Variants in UBE2U observed in about 807,000 individuals in gnomAD.
The protein encoded by UBE2U is ubiquitin conjugating enzyme E2 U.
UBE2U carries 39 observed loss-of-function variants against 41.2 expected under a neutral mutation model. The ratio of observed to expected loss-of-function variants is 0.95; its 90% confidence interval spans 0.73 to 1.24. The LOEUF is 1.24. Ranked by LOEUF, UBE2U falls within the 50% of genes most tolerant of loss-of-function variation. UBE2U has a pLI of 0.00. For missense variants in UBE2U, 336 were observed against 363.1 expected (o/e 0.93, Z 0.61); for synonymous variants, 107 against 117.8 (o/e 0.91, Z 0.60).
At chr1:64,208,054 C>G (rs1480846737) in intron 3 of UBE2U, among the ~76,000 whole-genome samples, 1 of 152,136 alleles carries the variant, frequency 6.6e-6, no homozygotes, top group Non-Finnish European at 1.5e-5. Flanking sequence ...AATCTCACTA[C>G]TAAGAAAATA....
At position 64,238,686 on chromosome 1, in the gene UBE2U, T is replaced by A. The variant is rs543547630; in HGVS notation, c.596-2966T>A. Among the ~76,000 whole-genome samples the A allele has an allele frequency of 3.2e-3, 491 of 151,864 alleles. 2 individuals are homozygous for A. Among genetic ancestry groups the A allele is most frequent in the African/African-American group, 9.7e-3 (400 of 41,440 alleles). On this transcript the variant is annotated intron_variant, in intron 7 of 9. Coordinates refer to ENST00000371077, the MANE Select transcript of UBE2U (RefSeq NM_001366232.2). ...AAAAAGGAAACTATTCAGTTAAAAA[T>A]TTTTTTTTCTATCAATGGCAAATGT...
At chr1:64,224,924 A>G (rs1652759708) in intron 6 of UBE2U, among the ~76,000 whole-genome samples, 1 of 137,256 alleles carries the variant, frequency 7.3e-6, no homozygotes, top group Non-Finnish European at 1.5e-5. Context: ...AAAATACTGT[A>G]TAGGATATTA....
rs111832252 is a variant in UBE2U, at chr1:64,266,965, T to G, written c.770-59T>G. 16 of 1,455,836 alleles carry G rather than the reference T, an allele frequency of 1.1e-5. No individual in the cohort carries two copies. The South Asian group carries it at 1.8e-4, about 17-fold the overall frequency. The allele number at this position is 1,455,836 out of a possible 1,614,324, so 90.2% of individuals were successfully genotyped here. A position where few individuals can be genotyped will look rare whatever the true frequency, so the allele number is the denominator to read the frequency against. On this transcript the variant is annotated intron_variant, in intron 9 of 9. Transcript: ENST00000371077. ...CCTACAAATGCAGGAACACTTCTCT[T>G]TTTATTGTTTTTCTTATTATGTCTA... is the stretch of plus-strand genomic sequence containing the variant.
intron 5 of UBE2U, among the ~76,000 whole-genome samples, chr1:64,219,487 A>G (rs939385428): frequency 2.6e-5 from 4 of 151,566 alleles, no homozygotes; most frequent in African/African-American, 7.3e-5. Context: ...AAACTTTCTT[A>G]TGTGATATCT....
intron 1 of UBE2U, among the ~76,000 whole-genome samples, chr1:64,204,563 C>T (rs1651169782): frequency 1.3e-5 from 2 of 152,142 alleles, no homozygotes; most frequent in Non-Finnish European, 2.9e-5. Flanking sequence ...TCCTGTGTTC[C>T]ACTGCTTACT....
intron 7 of UBE2U, among the ~76,000 whole-genome samples, chr1:64,234,270 C>G (rs2100403529): frequency 6.6e-6 from 1 of 152,320 alleles, no homozygotes; most frequent in African/African-American, 2.4e-5. Context: ...TATTCCCTCT[C>G]TTGGTTAGTG....
chr1:64,232,349 T>A (rs825183), intron 6 of UBE2U, among the ~76,000 whole-genome samples: 110,195 of 152,100 alleles, frequency 0.72, 41,262 homozygotes, highest in African/African-American at 0.93. Context: ...ATCATTGAAA[T>A]ATGATTTGAA....
chr1:64,248,986 T>A lies in UBE2U; in HGVS notation c.677+7253T>A, dbSNP rs555074373. Among the ~76,000 whole-genome samples the A allele has an allele frequency of 2.0e-5, 3 of 152,230 alleles. No individual in the cohort carries two copies. In the South Asian group the frequency reaches 6.2e-4, roughly 32 times the overall value. Reference sequence around the variant, plus strand: ...CTGATTTTCACAAAAAACTGAACTGTGAGCCAGAATGAAGAACAATCAGAT... The same window carrying A: ...CTGATTTTCACAAAAAACTGAACTGAGAGCCAGAATGAAGAACAATCAGAT... On this transcript the variant is annotated intron_variant, in intron 8 of 9. Coordinates refer to ENST00000371077, the MANE Select transcript of UBE2U (RefSeq NM_001366232.2).
At position 64,210,754 on chromosome 1, in the gene UBE2U, C is replaced by G; in HGVS notation, c.254C>G (p.Thr85Ser). The G allele has an allele frequency of 6.4e-7, 1 of 1,572,710 alleles. No homozygotes were observed. The highest frequency in any genetic ancestry group is 1.8e-5 in the Admixed American group (1 of 55,974). Residue 85 changes from threonine to serine, a missense_variant, in exon 4 of 10, where the codon ACT becomes AGT. Thr to Ser is a moderately conservative substitution (Grantham distance 58). Transcript: ENST00000371077. Reference sequence around the variant, plus strand: ...TATTTTAATACAGTAGACCCACACACTGGTCAGCCCTGTATAGACTTTTTG... The same window carrying G: ...TATTTTAATACAGTAGACCCACACAGTGGTCAGCCCTGTATAGACTTTTTG... ...IPFHPNVDPHTGQPCIDFLDN... is the reference protein window; with the variant it reads ...IPFHPNVDPHSGQPCIDFLDN...
intron 5 of UBE2U, among the ~76,000 whole-genome samples, chr1:64,216,523 G>C (rs896894753): frequency 3.9e-5 from 6 of 152,218 alleles, no homozygotes; most frequent in African/African-American, 1.4e-4. Context: ...AAACACTGAA[G>C]TTACACGTCA....
chr1:64,238,904 T>A (rs1389442007), intron 7 of UBE2U, among the ~76,000 whole-genome samples: 3 of 151,662 alleles, frequency 2.0e-5, no homozygotes, highest in Non-Finnish European at 4.4e-5. Flanking sequence ...TAGCCAGGCA[T>A]GGTGGCATGT....
At chr1:64,230,176 A>G (rs1236552060) in intron 6 of UBE2U, among the ~76,000 whole-genome samples, 1 of 152,168 alleles carries the variant, frequency 6.6e-6, no homozygotes, top group East Asian at 1.9e-4. Flanking sequence ...CCACTCTGCT[A>G]TTAGCTCTCA....
At chr1:64,251,192 C>T (rs1164146176) in intron 8 of UBE2U, among the ~76,000 whole-genome samples, 2 of 149,534 alleles carry the variant, frequency 1.3e-5, no homozygotes, top group African/African-American at 4.9e-5. Flanking sequence ...ATATATATAA[C>T]ATATATAATA....
At chr1:64,209,487 T>G (rs1022290350) in intron 3 of UBE2U, among the ~76,000 whole-genome samples, 1 of 152,184 alleles carries the variant, frequency 6.6e-6, no homozygotes, top group Non-Finnish European at 1.5e-5. Flanking sequence ...GCCTTCGGTT[T>G]GGGAGTTAAG....
At chr1:64,261,917 CTTTG>C (rs1267871973) in intron 9 of UBE2U, among the ~76,000 whole-genome samples, 1 of 152,180 alleles carries the variant, frequency 6.6e-6, no homozygotes, top group East Asian at 1.9e-4. Flanking sequence ...GTCTAAAATA[CTTTG>C]TTTCCCATTT....
At chr1:64,209,350 G>A (rs1373294466) in intron 3 of UBE2U, among the ~76,000 whole-genome samples, 1 of 151,972 alleles carries the variant, frequency 6.6e-6, no homozygotes, top group Admixed American at 6.6e-5. Flanking sequence ...CCTCCTAGAA[G>A]TCACTTATCT....
chr1:64,266,200 T>C (rs1365127986), intron 9 of UBE2U, among the ~76,000 whole-genome samples: 1 of 152,210 alleles, frequency 6.6e-6, no homozygotes, highest in African/African-American at 2.4e-5. Flanking sequence ...ATCTATATTC[T>C]CCTTTTGAAA....
intron 7 of UBE2U, among the ~76,000 whole-genome samples, chr1:64,239,096 G>GA (rs1190215282): frequency 0.023 from 145 of 6,260 alleles, 11 homozygotes; most frequent in African/African-American, 0.074. Context: ...GGAAGAGGAA[G>GA]AAGAAGAAGA....
chr1:64,231,979 T>C lies in UBE2U; in HGVS notation c.507-582T>C, dbSNP rs1570047766. On this transcript the variant is annotated intron_variant, in intron 6 of 9. Coordinates refer to ENST00000371077, the MANE Select transcript of UBE2U (RefSeq NM_001366232.2). ...TTTATAGTTTTCATTTAACACCTTA[T>C]AACAATCTTTGCTCTCCATTAGGAC... Among the ~76,000 whole-genome samples the C allele has an allele frequency of 2.0e-5, 3 of 152,356 alleles. No individual in the cohort carries two copies. In the South Asian group the frequency reaches 6.2e-4, roughly 32 times the overall value.
Sources: gnomAD v4.1 joint callset for allele counts (sites outside exome capture counted in the v4.1 genomes callset) on GRCh38, gnomAD v4.1.1 for gene constraint, MANE v1.5 for transcripts, NCBI Gene and HGNC (gene_info 2026-07-23, HGNC 2026-07-21) for gene names.